The following NCAPD2 variants were observed in gnomAD, a reference collection of about 807,000 sequenced individuals.
NCAPD2 encodes condensin complex subunit 1.
Under a neutral mutation model 164.5 loss-of-function variants are expected in NCAPD2, and 100 were observed. That is an observed-to-expected ratio of 0.61 (90% CI 0.52 to 0.72). The LOEUF (loss-of-function observed/expected upper bound fraction) is 0.72. NCAPD2 is among the 30% of genes least tolerant of loss of function. The probability of loss-of-function intolerance (pLI) is 0.00; values close to 1 mark genes in which losing one functional copy is unlikely to be tolerated. For synonymous variants in NCAPD2, 585 were observed against 642.6 expected, an observed-to-expected ratio of 0.91 and a Z score of 1.36; for missense variants, 1,560 against 1,749.2, an observed-to-expected ratio of 0.89 and a Z score of 1.93.
In NCAPD2 at chr12:6,514,775, A is replaced by G; in HGVS notation, c.842A>G (p.Glu281Gly). 6.2e-7 allele frequency: 1 copy of G among 1,614,124 alleles called. No homozygotes were observed. Among genetic ancestry groups the G allele is most frequent in the Non-Finnish European group, 8.5e-7 (1 of 1,180,014 alleles). The change falls in exon 9 of 32, where the codon GAG (glutamate) becomes GGG (glycine). Residue 281 changes from glutamate to glycine, a missense_variant and splice_region_variant. Glu to Gly is a moderately conservative substitution (Grantham distance 98). Coordinates refer to ENST00000315579, the MANE Select transcript of NCAPD2 (RefSeq NM_014865.4). Reference sequence around the variant, plus strand: ...GCTGTGTTTTCTTCCCTGTGTAGAGAGATTGGACAAAAGTGTCCCCAAGAG... The same window carrying G: ...GCTGTGTTTTCTTCCCTGTGTAGAGGGATTGGACAAAAGTGTCCCCAAGAG... ...MKSIVGEIVR[E>G]IGQKCPQELS...
intron 13 of NCAPD2, 164 bp from the exon 14 acceptor site, chr12:6,520,822 G>A: frequency 1.3e-6 from 1 of 786,682 alleles, no homozygotes; most frequent in Non-Finnish European, 1.9e-6. Flanking sequence ...AAAGTGTTTT[G>A]AGCCCTACCC....
intron 13 of NCAPD2, among the ~76,000 whole-genome samples, chr12:6,518,509 T>TGTTTTTTG (rs1555139592): frequency 1.0e-5 from 1 of 95,638 alleles, no homozygotes; most frequent in Non-Finnish European, 2.0e-5. Context: ...AACAAGTTTT[T>TGTTTTTTG]TTTTTTTTTT....
chr12:6,499,073 C>T (rs1946010459), intron 2 of NCAPD2, among the ~76,000 whole-genome samples: 1 of 152,032 alleles, frequency 6.6e-6, no homozygotes, highest in Admixed American at 6.6e-5. Flanking sequence ...GTTGCATATA[C>T]AGTGTGGATA....
At chr12:6,497,289 A>G (rs984932687) in intron 2 of NCAPD2, among the ~76,000 whole-genome samples, 2 of 98,170 alleles carry the variant, frequency 2.0e-5, no homozygotes, top group African/African-American at 8.4e-5. Context: ...TCATTTTTTT[A>G]AATGGTCACC....
intron 18 of NCAPD2, 110 bp downstream of exon 18, chr12:6,525,826 G>A (rs1946312111): frequency 1.4e-6 from 2 of 1,454,562 alleles, no homozygotes; most frequent in East Asian, 2.4e-5. Flanking sequence ...GAGCTCTGCT[G>A]TGAGTTATAA....
At chr12:6,503,319 A>T (rs112081780) in intron 2 of NCAPD2, among the ~76,000 whole-genome samples, 3 of 152,168 alleles carry the variant, frequency 2.0e-5, no homozygotes, top group Non-Finnish European at 4.4e-5. Context: ...TTTATAATGA[A>T]AGAAATTTAT....
chr12:6,528,936 G>C lies in NCAPD2; in HGVS notation c.3478-9G>C, dbSNP rs554512967. 1,959 of 1,614,062 alleles carry C rather than the reference G, an allele frequency of 1.2e-3. 40 individuals are homozygous for C. The South Asian group carries it at 0.02, about 17-fold the overall frequency. On this transcript the variant is annotated splice_polypyrimidine_tract_variant and intron_variant, in intron 26 of 31. Transcript: ENST00000315579. This position sits in a 1 kb window ranked among gnomAD's most constrained non-coding sequence, Gnocchi z 5.1. The stretch of plus-strand genomic sequence containing the variant: ...TCATCTCCTTAACATGGCTCTCTCT[G>C]TCTTACAGGGCAACGCAATCTATAA...
chr12:6,518,567 C>A (rs968435380), intron 13 of NCAPD2, among the ~76,000 whole-genome samples: 6 of 116,054 alleles, frequency 5.2e-5, no homozygotes, highest in African/African-American at 1.0e-4. Context: ...GTTGCCCAGG[C>A]TGCAGTACAG....
chr12:6,509,622 A>C, intron 2 of NCAPD2, 95 bp from the exon 3 acceptor site: 1 of 1,115,198 alleles, frequency 9.0e-7, no homozygotes, highest in Non-Finnish European at 1.4e-6. Context: ...TGATTCTACC[A>C]ATAAAAGCAA....
At chr12:6,504,067 G>T (rs1216948932) in intron 2 of NCAPD2, among the ~76,000 whole-genome samples, 1 of 151,454 alleles carries the variant, frequency 6.6e-6, no homozygotes, top group Non-Finnish European at 1.5e-5. Flanking sequence ...TCATGTTGGG[G>T]ATTATATTTC....
At chr12:6,512,917 G>T (rs1013841247) in intron 6 of NCAPD2, among the ~76,000 whole-genome samples, 13 of 152,278 alleles carry the variant, frequency 8.5e-5, no homozygotes, top group African/African-American at 2.9e-4. Context: ...TTCAGTCAAG[G>T]ATGACTCTCC....
chr12:6,513,125 G>C (rs370084818), intron 6 of NCAPD2, among the ~76,000 whole-genome samples: 1 of 152,208 alleles, frequency 6.6e-6, no homozygotes, highest in African/African-American at 2.4e-5. Context: ...GTCTGAGCTA[G>C]AGATAACACA....
rs565389850 is a variant in NCAPD2, at chr12:6,518,260, T to C, written c.1589+301T>C. 28 of 203,106 alleles carry C rather than the reference T, an allele frequency of 1.4e-4. No individual in the cohort carries two copies. The South Asian group carries it at 2.8e-3, about 20-fold the overall frequency. The allele number at this position is 203,106 out of a possible 1,614,324, so 12.6% of individuals were successfully genotyped here. A position where few individuals can be genotyped will look rare whatever the true frequency, so the allele number is the denominator to read the frequency against. Reference sequence around the variant, plus strand: ...CTATAAATAAGTTCTAGTTGTATGATCTTGAATAAGTTGCTTAACTTTCTG... The same window carrying C: ...CTATAAATAAGTTCTAGTTGTATGACCTTGAATAAGTTGCTTAACTTTCTG... On this transcript the variant is annotated intron_variant, in intron 13 of 31. Coordinates refer to ENST00000315579, the MANE Select transcript of NCAPD2 (RefSeq NM_014865.4).
Position 6,528,960 on chromosome 12 carries a change from A to G in NCAPD2, c.3493A>G (p.Asn1165Asp), listed in dbSNP as rs35819349. 6.3e-5 allele frequency: 102 copies of G among 1,614,002 alleles called. No homozygotes were observed. In the African/African-American group the frequency reaches 1.3e-3, roughly 20 times the overall value. The change falls in exon 27 of 32, where the codon AAT becomes GAT. Residue 1165 changes from asparagine to aspartate, a missense_variant. Physicochemically the swap from Asn to Asp is conservative, Grantham distance 23. Coordinates refer to ENST00000315579, the MANE Select transcript of NCAPD2 (RefSeq NM_014865.4). This position sits in a 1 kb window ranked among gnomAD's most constrained non-coding sequence, Gnocchi z 5.1. The stretch of plus-strand genomic sequence containing the variant: ...TGTCTTACAGGGCAACGCAATCTAT[A>G]ATCTCCTTCCAGATATCATCAGCCG... The part of the protein sequence containing the change: ...ELSHKGNAIY[N>D]LLPDIISRLS...
In NCAPD2 at chr12:6,531,137, T is replaced by C; in HGVS notation, c.4120+61T>C. 6.2e-7 allele frequency: 1 copy of C among 1,602,122 alleles called. No homozygotes were observed. The highest frequency in any genetic ancestry group is 8.5e-7 in the Non-Finnish European group (1 of 1,173,148). ...ACACAGCTAGGGTGCAGAGGGCTGG[T>C]TTCCATAGGACCTGCTGCGGGGGCC... On this transcript the variant is annotated intron_variant, in intron 31 of 31. Coordinates refer to ENST00000315579, the MANE Select transcript of NCAPD2 (RefSeq NM_014865.4). The surrounding 1 kb of genome is among the most constrained non-coding windows in gnomAD (Gnocchi z 4.1).
At chr12:6,520,396 T>C (rs1261235299) in intron 13 of NCAPD2, among the ~76,000 whole-genome samples, 1 of 103,214 alleles carries the variant, frequency 9.7e-6, no homozygotes, top group East Asian at 4.4e-4. Context: ...GCACACACCA[T>C]TACACCCACA....
intron 17 of NCAPD2, 85 bp downstream of exon 17, chr12:6,523,431 C>G: frequency 9.1e-7 from 1 of 1,095,062 alleles, no homozygotes. Context: ...GGAGTCATGC[C>G]CCATTGCCCA....
rs577259826 is a variant in NCAPD2, at chr12:6,521,211, G to A, written c.1714+101G>A. The A allele has an allele frequency of 2.8e-4, 395 of 1,400,616 alleles. 3 individuals carry two copies. The South Asian group carries it at 2.9e-3, about 10-fold the overall frequency. 86.8% of individuals were successfully genotyped at this position (1,400,616 alleles called of 1,614,324 possible). ...ATTGGCCTGGTTAACAGAACCTGGT[G>A]CTGAAGAGCCCAGAGATGAATTGGC... is the stretch of plus-strand genomic sequence containing the variant. On this transcript the variant is annotated intron_variant, in intron 14 of 31. Transcript: ENST00000315579.
intron 13 of NCAPD2, among the ~76,000 whole-genome samples, chr12:6,518,503 A>ATTTTT (rs1565544079): frequency 3.3e-5 from 1 of 30,714 alleles, no homozygotes; most frequent in South Asian, 7.8e-4. Flanking sequence ...GCCGTCAACA[A>ATTTTT]GTTTTTTTTT....
Sources: allele counts gnomAD v4.1 joint callset (sites outside exome capture counted in the v4.1 genomes callset), GRCh38; gene constraint gnomAD v4.1.1; non-coding constraint Gnocchi (gnomAD v3.1); transcripts MANE v1.5; gene names NCBI Gene and HGNC (gene_info 2026-07-23, HGNC 2026-07-21).